Variants in DAZL observed in about 807,000 individuals in gnomAD.
DAZL encodes deleted in azoospermia-like.
In DAZL, 4 loss-of-function variants were observed where a neutral mutation model predicts 45.0. That is an observed-to-expected ratio of 0.09 (90% CI 0.04 to 0.20). The LOEUF is 0.20. Among genes scored for constraint, DAZL ranks in the 10% least tolerant of loss-of-function variants. The pLI, the probability that DAZL is intolerant of heterozygous loss-of-function variation, is 1.00. For synonymous variants in DAZL, 122 were observed against 112.4 expected, an observed-to-expected ratio of 1.09 and a Z score of -0.54; for missense variants, 326 against 351.3, an observed-to-expected ratio of 0.93 and a Z score of 0.58.
chr3:16,592,377 C>A (rs1694534642), intron 9 of DAZL, among the ~76,000 whole-genome samples: 1 of 151,942 alleles, frequency 6.6e-6, no homozygotes, highest in Admixed American at 6.6e-5. Context: ...ACCAGCCTGG[C>A]CAATATGGTG....
At chr3:16,604,712 G>C (rs1329823182) in intron 1 of DAZL, 33 of 1,360,570 alleles carry the variant, frequency 2.4e-5, no homozygotes, top group Non-Finnish European at 3.0e-5. Flanking sequence ...AAGTCCCTCA[G>C]CAGGCCCGCC....
chr3:16,587,734 A>C lies in DAZL; in HGVS notation c.*926T>G, dbSNP rs1694457836. The C allele has an allele frequency of 6.3e-6, 1 of 157,838 alleles. No homozygotes were observed. Among genetic ancestry groups the C allele is most frequent in the Non-Finnish European group, 1.4e-5 (1 of 72,278 alleles). The allele number at this position is 157,838 out of a possible 1,614,324, so 9.8% of individuals were successfully genotyped here. A position where few individuals can be genotyped will look rare whatever the true frequency, so the allele number is the denominator to read the frequency against. The stretch of plus-strand genomic sequence containing the variant: ...TTACAAAAGGAAATATAACAGACTA[A>C]ATCTATTTATAGCAAGTAACTAATA... On this transcript the variant is annotated 3_prime_UTR_variant, in exon 11 of 11. Coordinates refer to ENST00000399444, the MANE Select transcript of DAZL (RefSeq NM_001351.4).
At position 16,605,369 on chromosome 3, in the gene DAZL, C is replaced by G. The variant is rs535320863; in HGVS notation, c.-164G>C. 1.2e-6 allele frequency: 1 copy of G among 862,190 alleles called. No homozygotes were observed. Among genetic ancestry groups the G allele is most frequent in the Non-Finnish European group, 1.9e-6 (1 of 518,238 alleles). The allele number at this position is 862,190 out of a possible 1,614,324, so 53.4% of individuals were successfully genotyped here. A position where few individuals can be genotyped will look rare whatever the true frequency, so the allele number is the denominator to read the frequency against. On this transcript the variant is annotated 5_prime_UTR_variant, in exon 1 of 11. Transcript: ENST00000399444. ...GAAAAGGAAAACCAAGAGCGGGTGACAAGGCTGAGGAGCCCCGAAAGGCGG... is the reference window on the plus strand; with the variant it reads ...GAAAAGGAAAACCAAGAGCGGGTGAGAAGGCTGAGGAGCCCCGAAAGGCGG...
chr3:16,599,523 C>A (rs1694651106), intron 1 of DAZL, among the ~76,000 whole-genome samples: 2 of 152,196 alleles, frequency 1.3e-5, no homozygotes, highest in South Asian at 4.1e-4. Flanking sequence ...TAATCCTCTT[C>A]CCTAATGCTA....
At chr3:16,595,505 G>T in intron 6 of DAZL, 120 bp from the exon 7 acceptor site, 2 of 586,036 alleles carry the variant, frequency 3.4e-6, no homozygotes. Flanking sequence ...ATACAACAAT[G>T]CAGAATTCTA....
At chr3:16,591,675 C>A (rs982907921) in intron 10 of DAZL, among the ~76,000 whole-genome samples, 1 of 152,026 alleles carries the variant, frequency 6.6e-6, no homozygotes, top group African/African-American at 2.4e-5. Context: ...CTCAAGCAAT[C>A]CACCCATCTC....
intron 4 of DAZL, 148 bp from the exon 5 acceptor site, chr3:16,597,199 C>G: frequency 9.2e-7 from 1 of 1,091,494 alleles, no homozygotes; most frequent in Non-Finnish European, 1.3e-6. Context: ...CATCATGAAG[C>G]TACCTTACCC....
At chr3:16,597,783 T>C (rs1373472484) in intron 3 of DAZL, among the ~76,000 whole-genome samples, 1 of 152,178 alleles carries the variant, frequency 6.6e-6, no homozygotes, top group African/African-American at 2.4e-5. Context: ...TTCATATCCA[T>C]GAACCTGAAT....
intron 1 of DAZL, among the ~76,000 whole-genome samples, chr3:16,598,802 T>G (rs201138082): frequency 6.8e-6 from 1 of 146,344 alleles, no homozygotes; most frequent in South Asian, 2.1e-4. Context: ...TTTTTTTTTT[T>G]GAGAGAGTCT....
chr3:16,596,836 G>C lies in DAZL; in HGVS notation c.412C>G (p.Gln138Glu). 1 of 1,613,792 alleles carries C rather than the reference G, an allele frequency of 6.2e-7. No individual in the cohort carries two copies. The highest frequency in any genetic ancestry group is 8.5e-7 in the Non-Finnish European group (1 of 1,179,696). The change falls in exon 6 of 11, where the codon CAG becomes GAG. Residue 138 changes from glutamine (Q) to glutamate (E), a missense_variant. This residue lies in a region of DAZL where 227 missense variants were observed against 216.6 expected (regional missense o/e 1.05). Coordinates refer to ENST00000399444, the MANE Select transcript of DAZL (RefSeq NM_001351.4). ...PLVFNHPPPP[Q>E]FQNVWTNPNT... ...GGATTAGTCCAGACATTCTGAAACT[G>C]TGGTGGAGGAGGATGATTAAAAACC... is the stretch of plus-strand genomic sequence containing the variant.
At chr3:16,602,280 A>G (rs992361405) in intron 1 of DAZL, among the ~76,000 whole-genome samples, 2 of 152,348 alleles carry the variant, frequency 1.3e-5, no homozygotes, top group South Asian at 2.1e-4. Context: ...AAATTTGGAA[A>G]TCAACGACAT....
At chr3:16,589,216 AAGAAAG>A (rs1455037322) in intron 10 of DAZL, among the ~76,000 whole-genome samples, 1 of 152,188 alleles carries the variant, frequency 6.6e-6, no homozygotes, top group African/African-American at 2.4e-5. Context: ...ATTCTTTAGA[AAGAAAG>A]AGAAAAAATT....
chr3:16,599,230 TC>T (rs1694646851), intron 1 of DAZL, among the ~76,000 whole-genome samples: 1 of 151,076 alleles, frequency 6.6e-6, no homozygotes, highest in East Asian at 1.9e-4. Flanking sequence ...TTTGTAAAAA[TC>T]AAAATTAAAA....
Position 16,588,540 on chromosome 3 carries a change from AACTTAT to A in DAZL, c.*114_*119del. On this transcript the variant is annotated 3_prime_UTR_variant, in exon 11 of 11. Coordinates refer to ENST00000399444, the MANE Select transcript of DAZL (RefSeq NM_001351.4). ...ATAAAACTAGAGAGTCTAATAATAC[AACTTAT>A]ACACAAAGTTTGAGTGTGATTTACC... 3.8e-6 allele frequency: 3 copies of A among 794,132 alleles called. No homozygotes were observed. Among genetic ancestry groups the A allele is most frequent in the Non-Finnish European group, 6.8e-6 (3 of 441,858 alleles). The allele number at this position is 794,132 out of a possible 1,614,324, so 49.2% of individuals were successfully genotyped here.
At chr3:16,603,825 T>G (rs941245149) in intron 1 of DAZL, among the ~76,000 whole-genome samples, 4 of 152,228 alleles carry the variant, frequency 2.6e-5, no homozygotes, top group African/African-American at 9.6e-5. Context: ...TTGTAAAAGT[T>G]GGCCCATCTA....
chr3:16,588,706 C>T lies in DAZL; in HGVS notation c.842G>A (p.Arg281Lys). 2 of 1,611,260 alleles carry T rather than the reference C, an allele frequency of 1.2e-6. No homozygotes were observed. The highest frequency in any genetic ancestry group is 1.7e-6 in the Non-Finnish European group (2 of 1,177,864). The change falls in exon 11 of 11, where the codon AGA becomes AAA. Residue 281 changes from arginine to lysine, a missense_variant. Arg to Lys is a conservative substitution (Grantham distance 26). This residue lies in a region of DAZL where 227 missense variants were observed against 216.6 expected (regional missense o/e 1.05). Transcript: ENST00000399444. ...CCGACTTCTTCTAAAGTGATGCACT[C>T]TTTTATCCTGGAAAAGACAGAAAGA... ...VTQDDYFKDK[R>K]VHHFRRSRAM...
chr3:16,591,564 G>C (rs892259576), intron 10 of DAZL, among the ~76,000 whole-genome samples: 2 of 151,862 alleles, frequency 1.3e-5, no homozygotes, highest in African/African-American at 4.8e-5. Flanking sequence ...CTCTGAAGTA[G>C]CTGGGACTAC....
chr3:16,588,936 A>T (rs1455177127), intron 10 of DAZL, among the ~76,000 whole-genome samples: 1 of 151,266 alleles, frequency 6.6e-6, no homozygotes, highest in African/African-American at 2.4e-5. Flanking sequence ...GAAATCAATT[A>T]AAAAAAAAGA....
intron 1 of DAZL, among the ~76,000 whole-genome samples, chr3:16,600,040 G>C (rs1339160575): frequency 6.6e-6 from 1 of 152,036 alleles, no homozygotes; most frequent in African/African-American, 2.4e-5. Flanking sequence ...TATTTTAGCT[G>C]ACTTATCTTG....
Sources: allele counts gnomAD v4.1 joint callset (sites outside exome capture counted in the v4.1 genomes callset), GRCh38; gene constraint gnomAD v4.1.1; regional missense constraint gnomAD v4.1.1; transcripts MANE v1.5; gene names NCBI Gene and HGNC (gene_info 2026-07-23, HGNC 2026-07-21).